The following TLE4 variants were observed in gnomAD, a reference collection of about 807,000 sequenced individuals.
The protein encoded by TLE4 is transducin-like enhancer protein 4.
TLE4 carries 8 observed loss-of-function variants against 92.8 expected under a neutral mutation model. The ratio of observed to expected loss-of-function variants is 0.09; its 90% CI spans 0.05 to 0.16. TLE4 has a LOEUF of 0.16. Among genes scored for constraint, TLE4 ranks in the 10% least tolerant of loss-of-function variants. The pLI, the probability that TLE4 is intolerant of heterozygous loss-of-function variation, is 1.00. For synonymous variants in TLE4, 371 were observed against 374.1 expected, an observed-to-expected ratio of 0.99 and a Z score of 0.10; for missense variants, 675 against 997.6, an observed-to-expected ratio of 0.68 and a Z score of 4.36.
chr9:79,649,729 A>G, intron 6 of TLE4: 1 of 1,108,462 alleles, frequency 9.0e-7, no homozygotes, highest in Non-Finnish European at 1.2e-6. Context: ...AGGAAGCCTT[A>G]CTGTGAATGT....
At chr9:79,628,801 G>T (rs541585052) in intron 6 of TLE4, among the ~76,000 whole-genome samples, 1 of 151,772 alleles carries the variant, frequency 6.6e-6, no homozygotes, top group Non-Finnish European at 1.5e-5. Flanking sequence ...ATTGGTTTTC[G>T]TTTCCAAAAA....
intron 6 of TLE4, among the ~76,000 whole-genome samples, chr9:79,643,059 C>T (rs2133972871): frequency 6.6e-6 from 1 of 152,238 alleles, no homozygotes; most frequent in Non-Finnish European, 1.5e-5. Context: ...ATTCACTTAA[C>T]CTTTAGCTTT....
chr9:79,684,132 A>G (rs7863550), intron 8 of TLE4, among the ~76,000 whole-genome samples: 80,696 of 152,088 alleles, frequency 0.53, 24,105 homozygotes, highest in East Asian at 0.74. Flanking sequence ...ATATTAGTTA[A>G]CAATTACTAC....
At chr9:79,606,187 GTTTTTTTTTT>G (rs71364420) in intron 4 of TLE4, among the ~76,000 whole-genome samples, 891 of 28,560 alleles carry the variant, frequency 0.031, 8 homozygotes, top group Non-Finnish European at 0.041. Flanking sequence ...AGTAGTAGTT[GTTTTTTTTTT>G]TTTTTTTTTT....
chr9:79,712,519 A>G (rs1350970549), intron 14 of TLE4, among the ~76,000 whole-genome samples: 1 of 152,238 alleles, frequency 6.6e-6, no homozygotes, highest in Non-Finnish European at 1.5e-5. Context: ...TCCACCATAC[A>G]TACCCACAAT....
chr9:79,616,904 G>C (rs2049779356), intron 5 of TLE4, among the ~76,000 whole-genome samples: 1 of 152,288 alleles, frequency 6.6e-6, no homozygotes, highest in South Asian at 2.1e-4. Flanking sequence ...TTGCAAAGTT[G>C]ATCTCTCTAA....
At chr9:79,610,792 G>T (rs922225553) in intron 4 of TLE4, among the ~76,000 whole-genome samples, 1 of 151,870 alleles carries the variant, frequency 6.6e-6, no homozygotes, top group Non-Finnish European at 1.5e-5. Flanking sequence ...TACAGCCTAG[G>T]TCCAAAATTT....
intron 4 of TLE4, among the ~76,000 whole-genome samples, chr9:79,577,530 T>A (rs1410745085): frequency 2.0e-5 from 3 of 152,206 alleles, no homozygotes; most frequent in Non-Finnish European, 4.4e-5. Flanking sequence ...AATGTAAATA[T>A]CTTCTGCTTA....
intron 8 of TLE4, among the ~76,000 whole-genome samples, chr9:79,679,281 CTGT>C (rs2063927247): frequency 6.6e-6 from 1 of 152,116 alleles, no homozygotes; most frequent in African/African-American, 2.4e-5. Context: ...TCTCCAACAC[CTGT>C]TGTTTCCTGA....
At chr9:79,619,860 A>G (rs1393763922) in intron 5 of TLE4, among the ~76,000 whole-genome samples, 2 of 152,202 alleles carry the variant, frequency 1.3e-5, no homozygotes, top group Non-Finnish European at 2.9e-5. Context: ...TTTAAAAAAT[A>G]TATATTTTCT....
chr9:79,609,046 G>T (rs763019078), intron 4 of TLE4, among the ~76,000 whole-genome samples: 4 of 152,004 alleles, frequency 2.6e-5, no homozygotes, highest in Non-Finnish European at 4.4e-5. Context: ...ATATGTATTT[G>T]GTATTGTGTG....
chr9:79,683,393 C>T (rs562571282), intron 8 of TLE4, among the ~76,000 whole-genome samples: 96 of 152,256 alleles, frequency 6.3e-4, no homozygotes, highest in African/African-American at 2.3e-3. Flanking sequence ...TGAGCGTAAA[C>T]ATGAAGTTTA....
rs887481819 is a variant in TLE4 at position 79,722,731 on chromosome 9, T to A, written c.2137+130T>A. ...TCTTCAGAATTCTATTACTTCCTGA[T>A]ACATGCCTGCTTCCCCAACACCATG... On this transcript the variant is annotated intron_variant, in intron 18 of 19. Transcript: ENST00000376552. 42 of 1,180,366 alleles carry A rather than the reference T, an allele frequency of 3.6e-5. No homozygotes were observed. The East Asian group carries it at 1.0e-3, about 29-fold the overall frequency. The allele number at this position is 1,180,366 out of a possible 1,614,324, so 73.1% of individuals were successfully genotyped here. A position where few individuals can be genotyped will look rare whatever the true frequency, so the allele number is the denominator to read the frequency against.
At chr9:79,660,746 G>A (rs1046374347) in intron 8 of TLE4, among the ~76,000 whole-genome samples, 1 of 152,208 alleles carries the variant, frequency 6.6e-6, no homozygotes, top group Non-Finnish European at 1.5e-5. Context: ...AGAAAAATGT[G>A]TGGTAATTGT....
intron 8 of TLE4, among the ~76,000 whole-genome samples, chr9:79,686,428 G>GT (rs1480634528): frequency 6.6e-6 from 1 of 152,170 alleles, no homozygotes; most frequent in African/African-American, 2.4e-5. Flanking sequence ...CTGATCCCCG[G>GT]TACCTGTGAC....
intron 8 of TLE4, among the ~76,000 whole-genome samples, chr9:79,692,031 C>T (rs2067189135): frequency 6.6e-6 from 1 of 152,072 alleles, no homozygotes; most frequent in South Asian, 2.1e-4. Context: ...AATATAATAA[C>T]CCTCCTGCTT....
chr9:79,708,863 G>A (rs1035221737), intron 13 of TLE4, 77 bp downstream of exon 13: 59 of 1,465,708 alleles, frequency 4.0e-5, no homozygotes, highest in Non-Finnish European at 4.6e-5. Flanking sequence ...ACAGGGTCTC[G>A]CTCTGTCACC....
At chr9:79,666,475 G>A (rs1468488552) in intron 8 of TLE4, among the ~76,000 whole-genome samples, 6 of 152,080 alleles carry the variant, frequency 3.9e-5, no homozygotes, top group African/African-American at 1.2e-4. Flanking sequence ...CTGACCTCAG[G>A]CGATCCACCC....
chr9:79,588,456 G>C (rs147439264), intron 4 of TLE4, among the ~76,000 whole-genome samples: 16 of 152,090 alleles, frequency 1.1e-4, no homozygotes, highest in East Asian at 3.9e-4. Context: ...GCCTATCCTT[G>C]TTTTCTAAAT....
Sources: allele counts gnomAD v4.1 joint callset (sites outside exome capture counted in the v4.1 genomes callset), GRCh38; gene constraint gnomAD v4.1.1; transcripts MANE v1.5; gene names NCBI Gene and HGNC (gene_info 2026-07-23, HGNC 2026-07-21).